The following RIN3 variants were observed in gnomAD, a reference collection of about 807,000 sequenced individuals.
RIN3 encodes Ras and Rab interactor 3.
In RIN3, 54 loss-of-function variants were observed where a neutral mutation model predicts 76.3. The observed-to-expected ratio is 0.71, with a 90% confidence interval of 0.57 to 0.89. The LOEUF (loss-of-function observed/expected upper bound fraction) is 0.89, where lower values mean the gene tolerates loss of function less well. RIN3 is among the 40% of genes least tolerant of loss of function. The pLI is 0.00. For missense variants in RIN3, 1,256 were observed against 1,322.1 expected (o/e 0.95, Z 0.78); for synonymous variants, 576 against 564.0 (o/e 1.02, Z -0.30).
chr14:92,571,899 G>A (rs1248789139), intron 2 of RIN3, among the ~76,000 whole-genome samples: 1 of 152,192 alleles, frequency 6.6e-6, no homozygotes, highest in Non-Finnish European at 1.5e-5. Flanking sequence ...ATTCGCAGGG[G>A]GAGTCCAGAT....
At chr14:92,638,431 G>A (rs1294226275) in intron 4 of RIN3, among the ~76,000 whole-genome samples, 1 of 152,202 alleles carries the variant, frequency 6.6e-6, no homozygotes, top group Non-Finnish European at 1.5e-5. Context: ...CCTGGATGCT[G>A]GGGTTCGAGT....
chr14:92,641,375 A>T (rs758827843), intron 5 of RIN3, 46 bp downstream of exon 5: 5 of 1,466,870 alleles, frequency 3.4e-6, no homozygotes, highest in South Asian at 1.1e-5. Context: ...GGCGTTAGGA[A>T]CTGGGGCCCT....
At chr14:92,575,472 T>C (rs1699958817) in intron 2 of RIN3, among the ~76,000 whole-genome samples, 1 of 152,200 alleles carries the variant, frequency 6.6e-6, no homozygotes, top group African/African-American at 2.4e-5. Flanking sequence ...CTCATACTCA[T>C]GCTCGACTGA....
chr14:92,637,535 G>C (rs1016599021), intron 4 of RIN3, among the ~76,000 whole-genome samples: 7 of 152,152 alleles, frequency 4.6e-5, no homozygotes, highest in African/African-American at 1.7e-4. Context: ...GGGGACCCCT[G>C]GGGTAGACAG....
At chr14:92,606,588 T>C (rs1049291273) in intron 3 of RIN3, among the ~76,000 whole-genome samples, 6 of 152,060 alleles carry the variant, frequency 3.9e-5, no homozygotes, top group Admixed American at 3.3e-4. Flanking sequence ...CAATCAAAAA[T>C]GGGCAAAGGA....
intron 3 of RIN3, among the ~76,000 whole-genome samples, chr14:92,593,893 T>C (rs1566858865): frequency 6.6e-6 from 1 of 152,112 alleles, no homozygotes; most frequent in African/African-American, 2.4e-5. Flanking sequence ...GAGAAATAGA[T>C]TAATCTACTA....
chr14:92,659,510 T>C, intron 7 of RIN3, 41 bp downstream of exon 7: 2 of 1,537,730 alleles, frequency 1.3e-6, no homozygotes, highest in Non-Finnish European at 1.8e-6. Flanking sequence ...AGGAGCTCTC[T>C]TTGTATGGGT....
intron 2 of RIN3, among the ~76,000 whole-genome samples, chr14:92,565,180 C>G (rs1243763675): frequency 6.6e-6 from 1 of 152,318 alleles, no homozygotes; most frequent in African/African-American, 2.4e-5. Context: ...CATCAGGATG[C>G]CTTTCCCTGT....
intron 2 of RIN3, among the ~76,000 whole-genome samples, chr14:92,572,737 T>C (rs978381716): frequency 6.6e-6 from 1 of 152,092 alleles, no homozygotes. Context: ...CTCTGCTAGC[T>C]GTCCGGGCAG....
intron 5 of RIN3, chr14:92,644,365 AC>A (rs1181174971): frequency 6.7e-6 from 1 of 150,126 alleles, no homozygotes; most frequent in Non-Finnish European, 1.5e-5. Flanking sequence ...GATTCCTCTC[AC>A]CTGCAAGAGC....
chr14:92,662,527 G>C (rs1466985626), intron 7 of RIN3, among the ~76,000 whole-genome samples: 1 of 152,256 alleles, frequency 6.6e-6, no homozygotes, highest in Non-Finnish European at 1.5e-5. Flanking sequence ...CACCTTGCAG[G>C]CCTGTCTTGA....
chr14:92,635,928 T>A (rs1240497727), intron 4 of RIN3, among the ~76,000 whole-genome samples: 1 of 152,140 alleles, frequency 6.6e-6, no homozygotes, highest in Non-Finnish European at 1.5e-5. Context: ...CACAATTGGA[T>A]CCAGTGGCAA....
intron 1 of RIN3, among the ~76,000 whole-genome samples, chr14:92,545,148 C>T (rs555721608): frequency 1.6e-5 from 2 of 128,740 alleles, no homozygotes; most frequent in Admixed American, 1.9e-4. Flanking sequence ...CTTGCTCTGT[C>T]CCCCAGGCTG....
At chr14:92,555,314 C>T (rs1897546031) in intron 1 of RIN3, among the ~76,000 whole-genome samples, 1 of 152,202 alleles carries the variant, frequency 6.6e-6, no homozygotes, top group African/African-American at 2.4e-5. Flanking sequence ...TGTACCATAG[C>T]TGTGTCTCGC....
In RIN3 at chr14:92,539,664, G is replaced by T. The variant is rs557626591; in HGVS notation, c.45-16087G>T. On this transcript the variant is annotated intron_variant, in intron 1 of 9. Transcript: ENST00000216487. Reference sequence around the variant, plus strand: ...ACAGGTGGTGGGGTCAGCAGGACAGGCAGGCTGAGTCAGTTTAGTCCTGGA... The same window carrying T: ...ACAGGTGGTGGGGTCAGCAGGACAGTCAGGCTGAGTCAGTTTAGTCCTGGA... 1.2e-3 allele frequency among the ~76,000 whole-genome samples: 185 copies of T among 152,272 alleles called. 1 individual carries two copies. Among genetic ancestry groups the T allele is most frequent in the African/African-American group, 4.2e-3 (175 of 41,530 alleles).
intron 7 of RIN3, among the ~76,000 whole-genome samples, chr14:92,668,416 C>T (rs1229067834): frequency 1.3e-5 from 2 of 152,210 alleles, no homozygotes; most frequent in Non-Finnish European, 2.9e-5. Context: ...GAGCCCACAG[C>T]CTGTGTAGCT....
At position 92,514,240 on chromosome 14, in the gene RIN3, T is replaced by G. The variant is rs1896374472; in HGVS notation, c.44+264T>G. On this transcript the variant is annotated intron_variant, in intron 1 of 9. Coordinates refer to ENST00000216487, the MANE Select transcript of RIN3 (RefSeq NM_024832.5). The surrounding 1 kb of genome is among the most constrained non-coding windows in gnomAD (Gnocchi z 7.2). ...GAACCCAGTGCACACTTTAGGCTGC[T>G]GGTGGACGGATTACGAGGGAGTGCG... 6.6e-6 allele frequency among the ~76,000 whole-genome samples: 1 copy of G among 152,148 alleles called. No individual in the cohort carries two copies. Among genetic ancestry groups the G allele is most frequent in the Non-Finnish European group, 1.5e-5 (1 of 67,990 alleles).
At chr14:92,545,379 G>C (rs1401394712) in intron 1 of RIN3, among the ~76,000 whole-genome samples, 1 of 151,898 alleles carries the variant, frequency 6.6e-6, no homozygotes, top group Non-Finnish European at 1.5e-5. Flanking sequence ...CAAAGTGCTG[G>C]GATTACAGGC....
chr14:92,536,486 G>A (rs1404205383), intron 1 of RIN3, among the ~76,000 whole-genome samples: 1 of 152,140 alleles, frequency 6.6e-6, no homozygotes, highest in Admixed American at 6.6e-5. Context: ...ACTCACATCT[G>A]TAATCCCAGC....
Sources: allele counts gnomAD v4.1 joint callset (sites outside exome capture counted in the v4.1 genomes callset), GRCh38; gene constraint gnomAD v4.1.1; non-coding constraint Gnocchi (gnomAD v3.1); transcripts MANE v1.5; gene names NCBI Gene and HGNC (gene_info 2026-07-23, HGNC 2026-07-21).